Variants in PRPSAP2 observed in about 807,000 individuals in gnomAD.
The protein encoded by PRPSAP2 is phosphoribosyl pyrophosphate synthase-associated protein 2.
PRPSAP2 carries 24 observed loss-of-function variants against 40.6 expected under a neutral mutation model. The observed-to-expected ratio is 0.59, with a 90% confidence interval of 0.43 to 0.83. The LOEUF is 0.83. Ranked by LOEUF, PRPSAP2 falls within the 40% of genes least tolerant of loss-of-function variation. The probability of loss-of-function intolerance (pLI) is 0.00; values close to 1 mark genes in which losing one functional copy is unlikely to be tolerated. For synonymous variants in PRPSAP2, 149 were observed against 164.7 expected (o/e 0.90, Z 0.73); for missense variants, 292 against 465.6 (o/e 0.63, Z 3.43).
intron 8 of PRPSAP2, among the ~76,000 whole-genome samples, chr17:18,890,505 C>T (rs192449185): frequency 1.2e-4 from 19 of 152,178 alleles, no homozygotes; most frequent in Admixed American, 1.2e-3. Context: ...CAGAGTTTTG[C>T]CATGTTGTCC....
At chr17:18,916,179 C>A (rs993161291) in intron 9 of PRPSAP2, among the ~76,000 whole-genome samples, 2 of 152,032 alleles carry the variant, frequency 1.3e-5, no homozygotes, top group Non-Finnish European at 2.9e-5. Context: ...AGAACTCTCA[C>A]CAGAGCTCCC....
chr17:18,915,756 A>T (rs2041271151), intron 9 of PRPSAP2, among the ~76,000 whole-genome samples: 1 of 152,076 alleles, frequency 6.6e-6, no homozygotes, highest in Non-Finnish European at 1.5e-5. Context: ...TTCATGAAGG[A>T]TCTGCCTCTG....
rs975235049 is a variant in PRPSAP2 at position 18,882,574 on chromosome 17, C to T, written c.419C>T (p.Thr140Ile). Residue 140 changes from threonine to isoleucine, a missense_variant, in exon 7 of 12, where the codon ACT (threonine) becomes ATT (isoleucine). Physicochemically the swap from Thr to Ile is moderately conservative, Grantham distance 89 (BLOSUM62 -1). Around this residue, in one of 2 missense-constraint regions of PRPSAP2, gnomAD observed 241 missense variants for 425.7 expected, o/e 0.57. Coordinates refer to ENST00000268835, the MANE Select transcript of PRPSAP2 (RefSeq NM_002767.4). ...LASMMCKAGLTHLITMDLHQK... is the reference protein window; with the variant it reads ...LASMMCKAGLIHLITMDLHQK... ...GTCTGCTTTATTTTCAAAGGTCTAA[C>T]TCATCTTATTACTATGGATTTACAC... is the stretch of plus-strand genomic sequence containing the variant. 6.4e-7 allele frequency: 1 copy of T among 1,556,604 alleles called. No homozygotes were observed. Among genetic ancestry groups the T allele is most frequent in the Non-Finnish European group, 8.9e-7 (1 of 1,129,474 alleles).
intron 8 of PRPSAP2, chr17:18,904,377 C>T (rs2040453457): frequency 6.6e-6 from 1 of 152,220 alleles, no homozygotes; most frequent in South Asian, 2.1e-4. Flanking sequence ...GCCTCAGCCT[C>T]CTAAGTAGCT....
intron 6 of PRPSAP2, among the ~76,000 whole-genome samples, chr17:18,880,972 T>C (rs1343658757): frequency 2.0e-5 from 3 of 152,074 alleles, no homozygotes; most frequent in African/African-American, 7.2e-5. Flanking sequence ...AAGCTGAGAT[T>C]ACAGGCACAT....
At chr17:18,905,037 T>A (rs1484300690) in intron 8 of PRPSAP2, 2 of 152,188 alleles carry the variant, frequency 1.3e-5, no homozygotes, top group Admixed American at 1.3e-4. Context: ...TTATTTATTT[T>A]TTTGAGACAG....
intron 8 of PRPSAP2, among the ~76,000 whole-genome samples, chr17:18,900,437 C>T (rs554802673): frequency 6.6e-6 from 1 of 152,258 alleles, no homozygotes; most frequent in African/African-American, 2.4e-5. Flanking sequence ...CTGATGGCTG[C>T]TCTAAAATCT....
chr17:18,902,193 C>G (rs1269644888), intron 8 of PRPSAP2, among the ~76,000 whole-genome samples: 1 of 152,158 alleles, frequency 6.6e-6, no homozygotes, highest in Non-Finnish European at 1.5e-5. Context: ...CCTCAGTTTA[C>G]TTCTGTCACC....
At chr17:18,913,622 C>T (rs989844713) in intron 9 of PRPSAP2, among the ~76,000 whole-genome samples, 3 of 139,494 alleles carry the variant, frequency 2.2e-5, no homozygotes, top group Non-Finnish European at 4.6e-5. Context: ...GATCATGGCT[C>T]ATTGCAGTCT....
At chr17:18,858,968 G>A (rs996931423) in intron 1 of PRPSAP2, among the ~76,000 whole-genome samples, 1 of 152,054 alleles carries the variant, frequency 6.6e-6, no homozygotes, top group Admixed American at 6.5e-5. Flanking sequence ...CTTTCCTGCT[G>A]CCCTCGTGTG....
Position 18,911,080 on chromosome 17 carries a change from T to G in PRPSAP2, c.585-23T>G. 6.3e-7 allele frequency: 1 copy of G among 1,588,540 alleles called. No individual in the cohort carries two copies. The highest frequency in any genetic ancestry group is 2.0e-4 in the Middle Eastern group (1 of 5,058). On this transcript the variant is annotated intron_variant, in intron 8 of 11. Coordinates refer to ENST00000268835, the MANE Select transcript of PRPSAP2 (RefSeq NM_002767.4). This position sits in a 1 kb window ranked among gnomAD's most constrained non-coding sequence, Gnocchi z 4.5. ...ACCAAGGGCTGCATGAGTTTTGAGC[T>G]TGTGTCTGGTGTTTTCCCTCAGGGC...
At chr17:18,858,384 G>C (rs978842816) in intron 1 of PRPSAP2, 123 bp downstream of exon 1, 1 of 152,456 alleles carries the variant, frequency 6.6e-6, no homozygotes, top group Non-Finnish European at 1.5e-5. Context: ...GGGTCCCTGG[G>C]TGGTGGCTGC....
chr17:18,862,637 G>A (rs928432570), intron 1 of PRPSAP2, among the ~76,000 whole-genome samples: 3 of 152,144 alleles, frequency 2.0e-5, no homozygotes, highest in Admixed American at 2.0e-4. Flanking sequence ...CTGAGGCTAA[G>A]AGATTTTGAG....
At chr17:18,868,723 AT>A (rs34924536) in intron 4 of PRPSAP2, among the ~76,000 whole-genome samples, 147 of 144,412 alleles carry the variant, frequency 1.0e-3, no homozygotes, top group African/African-American at 1.1e-3. Flanking sequence ...TTAAAAAAAC[AT>A]TTTTTTTTTT....
chr17:18,914,249 CTTTTTTTTT>C (rs60892883), intron 9 of PRPSAP2, among the ~76,000 whole-genome samples: 3 of 48,088 alleles, frequency 6.2e-5, no homozygotes, highest in South Asian at 1.2e-3. Flanking sequence ...CATGTTTTTG[CTTTTTTTTT>C]TTTTTTTTTT....
At chr17:18,858,400 G>T (rs903680179) in intron 1 of PRPSAP2, 139 bp downstream of exon 1, 8 of 152,342 alleles carry the variant, frequency 5.3e-5, no homozygotes, top group African/African-American at 9.7e-5. Context: ...GCTGCTTGGG[G>T]GCTCACTGGG....
chr17:18,875,067 A>G (rs778023823), intron 5 of PRPSAP2, among the ~76,000 whole-genome samples: 3 of 152,002 alleles, frequency 2.0e-5, no homozygotes, highest in Non-Finnish European at 2.9e-5. Context: ...GTACATTTCA[A>G]TACTTATCCT....
chr17:18,909,393 C>T (rs1177411717), intron 8 of PRPSAP2, among the ~76,000 whole-genome samples: 1 of 152,002 alleles, frequency 6.6e-6, no homozygotes, highest in Admixed American at 6.6e-5. Context: ...AGGTGCCTGC[C>T]ACCCAGTCCG....
intron 5 of PRPSAP2, 55 bp from the exon 6 acceptor site, chr17:18,877,643 C>T (rs143651258): frequency 6.7e-7 from 1 of 1,491,204 alleles, no homozygotes; most frequent in African/African-American, 1.4e-5. Flanking sequence ...CTTTTTGGAA[C>T]AGGGAATACT....
Sources: allele counts gnomAD v4.1 joint callset (sites outside exome capture counted in the v4.1 genomes callset), GRCh38; gene constraint gnomAD v4.1.1; regional missense constraint gnomAD v4.1.1; non-coding constraint Gnocchi (gnomAD v3.1); transcripts MANE v1.5; gene names NCBI Gene and HGNC (gene_info 2026-07-23, HGNC 2026-07-21).